Variants in CCN6 observed in about 807,000 individuals in gnomAD.
CCN6 encodes CCN family member 6.
CCN6 carries 31 observed loss-of-function variants against 37.4 expected under a neutral mutation model. The ratio of observed to expected loss-of-function variants is 0.83; its 90% CI spans 0.62 to 1.12. The LOEUF (loss-of-function observed/expected upper bound fraction) is 1.12. CCN6 is among the 50% of genes most tolerant of loss of function. CCN6 has a pLI of 0.00. For missense variants in CCN6, 369 were observed against 413.8 expected (o/e 0.89, Z 0.94); for synonymous variants, 137 against 142.1 (o/e 0.96, Z 0.26).
In CCN6 at chr6:112,061,163, G is replaced by A. The variant is rs782021150; in HGVS notation, c.221G>A (p.Cys74Tyr). Residue 74 changes from cysteine to tyrosine, a missense_variant, in exon 2 of 5, where the codon TGC becomes TAC. Coordinates refer to ENST00000368666, the MANE Select transcript of CCN6 (RefSeq NM_198239.2). ...AGCCTGGTGAGAGATGGCTGTGGAT[G>A]CTGTAAAATCTGTGCCAAGCAACCA... ...GVSLVRDGCG[C>Y]CKICAKQPGE... The A allele has an allele frequency of 1.2e-6, 2 of 1,614,172 alleles. No individual in the cohort carries two copies. Among genetic ancestry groups the A allele is most frequent in the East Asian group, 2.2e-5 (1 of 44,880 alleles).
chr6:112,067,350 A>G (rs939393348), intron 3 of CCN6, among the ~76,000 whole-genome samples: 1 of 152,152 alleles, frequency 6.6e-6, no homozygotes, highest in Admixed American at 6.6e-5. Context: ...TTTGCTTAAA[A>G]TGAGCCAAGG....
At position 112,069,422 on chromosome 6, in the gene CCN6, G is replaced by C. The variant is rs782019386; in HGVS notation, c.867G>C (p.Gln289His). 39 of 1,613,520 alleles carry C rather than the reference G, an allele frequency of 2.4e-5. No individual in the cohort carries two copies. The highest frequency in any genetic ancestry group is 3.3e-4 in the Middle Eastern group (2 of 6,078). Residue 289 changes from glutamine to histidine, a missense_variant, in exon 5 of 5, where the codon CAG (glutamine) becomes CAC (histidine). Coordinates refer to ENST00000368666, the MANE Select transcript of CCN6 (RefSeq NM_198239.2). Reference sequence around the variant, plus strand: ...TCTTTTCTGGATGCTCAAGTACTCAGAGTTACAAACCCACTTTTTGTGGAA... The same window carrying C: ...TCTTTTCTGGATGCTCAAGTACTCACAGTTACAAACCCACTTTTTGTGGAA... ...KFVFSGCSST[Q>H]SYKPTFCGIC...
chr6:112,055,510 T>C (rs1183553540), intron 1 of CCN6, among the ~76,000 whole-genome samples: 3 of 152,222 alleles, frequency 2.0e-5, no homozygotes, highest in Non-Finnish European at 4.4e-5. Context: ...AATTCATAAA[T>C]TCATGAAATA....
chr6:112,053,652 A>T (rs889009330), upstream of CCN6, among the ~76,000 whole-genome samples: 9 of 152,096 alleles, frequency 5.9e-5, no homozygotes, highest in African/African-American at 2.2e-4. Flanking sequence ...GGCGTCTCTC[A>T]GGCCAGGTAC....
At chr6:112,060,155 C>T (rs1776470477) in intron 1 of CCN6, 3 of 1,322,716 alleles carry the variant, frequency 2.3e-6, no homozygotes, top group Non-Finnish European at 3.0e-6. Context: ...GCCATGGTGG[C>T]ACTTTGAATT....
At chr6:112,056,543 A>T (rs1354184799) in intron 1 of CCN6, among the ~76,000 whole-genome samples, 1 of 151,778 alleles carries the variant, frequency 6.6e-6, no homozygotes, top group East Asian at 2.0e-4. Context: ...TTGAGATGGA[A>T]TCACCCTCTG....
intron 3 of CCN6, among the ~76,000 whole-genome samples, chr6:112,065,630 A>ACACACGCACGCG (rs1562597803): frequency 6.7e-6 from 1 of 148,852 alleles, no homozygotes; most frequent in South Asian, 2.1e-4. Flanking sequence ...ACGCACGCAC[A>ACACACGCACGCG]CACACACACA....
At chr6:112,062,423 A>G (rs1230344) in intron 2 of CCN6, among the ~76,000 whole-genome samples, 10,613 of 152,262 alleles carry the variant, frequency 0.07, 1,249 homozygotes, top group African/African-American at 0.24. Flanking sequence ...ACCATCCACT[A>G]CAGAGCCAAG....
chr6:112,067,053 C>T (rs1414821937), intron 3 of CCN6: 2 of 1,364,802 alleles, frequency 1.5e-6, no homozygotes, highest in African/African-American at 3.0e-5. Context: ...GTTTCTGCTT[C>T]CTCTCCTCAG....
chr6:112,061,421 G>T, intron 2 of CCN6, 133 bp downstream of exon 2: 1 of 1,100,738 alleles, frequency 9.1e-7, no homozygotes, highest in Non-Finnish European at 1.4e-6. Flanking sequence ...ATGCACCAGT[G>T]GGACTGGCTC....
Position 112,068,209 on chromosome 6 carries a change from T to C in CCN6, c.594T>C (p.Tyr198=), listed in dbSNP as rs564402147. 136 of 1,610,002 alleles carry C rather than the reference T, an allele frequency of 8.4e-5. No individual in the cohort carries two copies. The highest frequency in any genetic ancestry group is 6.7e-4 in the East Asian group (30 of 44,770). ...LSTSYKTMPA[Y]RNLPLIWKKK... Reference sequence around the variant, plus strand: ...ACTTTTCTCCCTTTGTTTTAGCTTATAGAAATCTCCCACTTATTTGGAAAA... The same window carrying C: ...ACTTTTCTCCCTTTGTTTTAGCTTACAGAAATCTCCCACTTATTTGGAAAA... Residue 198 remains tyrosine (Y), a synonymous_variant, in exon 4 of 5, where the codon TAT becomes TAC. Transcript: ENST00000368666.
At position 112,069,433 on chromosome 6, in the gene CCN6, C is replaced by T; in HGVS notation, c.878C>T (p.Pro293Leu). ...TGCTCAAGTACTCAGAGTTACAAAC[C>T]CACTTTTTGTGGAATATGCTTGGAT... is the stretch of plus-strand genomic sequence containing the variant. ...SGCSSTQSYKPTFCGICLDKR... is the reference protein window; with the variant it reads ...SGCSSTQSYKLTFCGICLDKR... The change falls in exon 5 of 5, where the codon CCC becomes CTC. Residue 293 changes from proline to leucine, a missense_variant. By Grantham distance (98) the Pro-to-Leu change is moderately conservative. Coordinates refer to ENST00000368666, the MANE Select transcript of CCN6 (RefSeq NM_198239.2). The T allele has an allele frequency of 6.2e-7, 1 of 1,613,642 alleles. No homozygotes were observed.
At chr6:112,069,066 A>G (rs1776789932) in intron 4 of CCN6, among the ~76,000 whole-genome samples, 2 of 152,208 alleles carry the variant, frequency 1.3e-5, no homozygotes, top group South Asian at 4.1e-4. Flanking sequence ...TTGATATTAA[A>G]CAAAACAGAA....
At chr6:112,067,057 T>A (rs781999125) in intron 3 of CCN6, 2 of 1,363,482 alleles carry the variant, frequency 1.5e-6, no homozygotes, top group East Asian at 9.1e-5. Flanking sequence ...CTGCTTCCTC[T>A]CCTCAGTTCT....
At chr6:112,061,736 C>T (rs782796909) in intron 2 of CCN6, among the ~76,000 whole-genome samples, 23 of 152,102 alleles carry the variant, frequency 1.5e-4, no homozygotes, top group Non-Finnish European at 3.1e-4. Flanking sequence ...AACTAATGAC[C>T]GAGTTGCTGT....
At chr6:112,054,728 G>C (rs1554311488) in intron 1 of CCN6, 1 of 348,944 alleles carries the variant, frequency 2.9e-6, no homozygotes, top group East Asian at 6.8e-5. Context: ...GCGGGAAACA[G>C]TGTCTCTCCA....
upstream of CCN6, chr6:112,053,946 A>G (rs1776271315): frequency 2.7e-6 from 1 of 376,960 alleles, no homozygotes; most frequent in Non-Finnish European, 5.1e-6. Context: ...AGCAGGGCAA[A>G]CACAGATGGA....
chr6:112,065,711 A>G (rs1776678023), intron 3 of CCN6, among the ~76,000 whole-genome samples: 1 of 152,154 alleles, frequency 6.6e-6, no homozygotes. Context: ...TCTCAGAAAA[A>G]TGAAGTGTGA....
chr6:112,068,424 A>G, intron 4 of CCN6, 26 bp downstream of exon 4: 1 of 1,566,534 alleles, frequency 6.4e-7, no homozygotes, highest in Non-Finnish European at 8.7e-7. Flanking sequence ...ATTTAACTTA[A>G]TTCAATATTA....
Sources: allele counts gnomAD v4.1 joint callset (sites outside exome capture counted in the v4.1 genomes callset), GRCh38; gene constraint gnomAD v4.1.1; transcripts MANE v1.5; gene names NCBI Gene and HGNC (gene_info 2026-07-23, HGNC 2026-07-21).